The following ZFAND6 variants were observed in gnomAD, a reference collection of about 807,000 sequenced individuals.
The protein encoded by ZFAND6 is zinc finger AN1-type containing 6, also known as AN1-type zinc finger protein 6.
A neutral mutation model predicts 24.5 loss-of-function variants in ZFAND6; 12 were observed. The observed-to-expected ratio is 0.49, with a 90% CI of 0.31 to 0.79. ZFAND6 has a LOEUF of 0.79. Among genes scored for constraint, ZFAND6 ranks in the 30% least tolerant of loss-of-function variants. ZFAND6 has a pLI of 0.04. For missense variants in ZFAND6, 207 were observed against 245.9 expected, an observed-to-expected ratio of 0.84 and a Z score of 1.06; for synonymous variants, 92 against 81.5, an observed-to-expected ratio of 1.13 and a Z score of -0.69.
rs2040939083 is a variant in ZFAND6 at position 80,138,040 on chromosome 15, A to G, written c.*412A>G. 6.5e-6 allele frequency: 1 copy of G among 155,016 alleles called. No individual in the cohort carries two copies. The highest frequency in any genetic ancestry group is 1.4e-5 in the Non-Finnish European group (1 of 69,722). The allele number at this position is 155,016 out of a possible 1,614,324, so 9.6% of individuals were successfully genotyped here. A position where few individuals can be genotyped will look rare whatever the true frequency, so the allele number is the denominator to read the frequency against. On this transcript the variant is annotated 3_prime_UTR_variant, in exon 7 of 7. Transcript: ENST00000261749. ...TGATAATGCCCTTTAGGGCACAACT[A>G]GTTATCAGTAACTGAATGTATCTTA...
intron 1 of ZFAND6, chr15:80,060,334 G>A (rs1004536408): frequency 6.6e-6 from 1 of 152,206 alleles, no homozygotes; most frequent in African/African-American, 2.4e-5. Flanking sequence ...GACTGGCACC[G>A]GGAAGGGAAT....
intron 1 of ZFAND6, among the ~76,000 whole-genome samples, chr15:80,065,383 T>C (rs920136487): frequency 3.3e-5 from 5 of 152,042 alleles, no homozygotes; most frequent in South Asian, 2.1e-4. Flanking sequence ...AGTGTACACT[T>C]GTATACATGG....
At chr15:80,094,201 C>G (rs1304077410) in intron 1 of ZFAND6, among the ~76,000 whole-genome samples, 1 of 152,196 alleles carries the variant, frequency 6.6e-6, no homozygotes, top group Non-Finnish European at 1.5e-5. Context: ...TATTTCCTAT[C>G]CCAGTCCCTG....
At chr15:80,086,722 A>G (rs1349953846) in intron 1 of ZFAND6, among the ~76,000 whole-genome samples, 4 of 152,218 alleles carry the variant, frequency 2.6e-5, no homozygotes, top group Non-Finnish European at 1.5e-5. Context: ...AGTACCATTA[A>G]ATACATTCAC....
intron 1 of ZFAND6, among the ~76,000 whole-genome samples, chr15:80,072,201 CTT>C (rs1407941712): frequency 6.6e-6 from 1 of 152,060 alleles, no homozygotes; most frequent in Non-Finnish European, 1.5e-5. Context: ...AATAATCTGT[CTT>C]TAAAGCATAA....
Position 80,122,746 on chromosome 15 carries a change from C to T in ZFAND6, c.310C>T (p.Gln104Ter). The change falls in exon 5 of 7, where the codon CAA becomes TAA. Residue 104 changes from glutamine (Q) to a stop codon, truncating the protein, a stop_gained. Transcript: ENST00000261749. LOFTEE classifies it high-confidence loss of function. ...SLLSESVASS[Q>*]LDSTSVDKAV... The stretch of plus-strand genomic sequence containing the variant: ...TTTATCAGAATCTGTAGCATCTTCT[C>T]AATTGGACAGTACATCTGTGGACAA... 1.2e-6 allele frequency: 2 copies of T among 1,613,656 alleles called. No individual in the cohort carries two copies. Among genetic ancestry groups the T allele is most frequent in the Non-Finnish European group, 1.7e-6 (2 of 1,179,804 alleles).
chr15:80,113,054 C>T lies in ZFAND6; in HGVS notation c.-17-7274C>T, dbSNP rs376055215. Among the ~76,000 whole-genome samples, 58 of 147,612 alleles carry T rather than the reference C, an allele frequency of 3.9e-4. 3 individuals are homozygous for T. The South Asian group carries it at 0.012, about 31-fold the overall frequency. On this transcript the variant is annotated intron_variant, in intron 2 of 6. Transcript: ENST00000261749. ...TGTGTAACACTTTGTGTTGCGGTGTCGTACTAGTTCAAAGCTTAATGTGCA... is the reference window on the plus strand; with the variant it reads ...TGTGTAACACTTTGTGTTGCGGTGTTGTACTAGTTCAAAGCTTAATGTGCA...
intron 2 of ZFAND6, among the ~76,000 whole-genome samples, chr15:80,119,585 T>TAA (rs139385200): frequency 2.9e-4 from 44 of 151,396 alleles, no homozygotes; most frequent in African/African-American, 4.8e-4. Context: ...CATGCTTTTT[T>TAA]AAAAAAAAAC....
intron 2 of ZFAND6, among the ~76,000 whole-genome samples, chr15:80,107,574 C>T (rs2039397488): frequency 6.6e-6 from 1 of 152,106 alleles, no homozygotes; most frequent in African/African-American, 2.4e-5. Context: ...CCTGTAATCC[C>T]AGCTCTTTGG....
At chr15:80,072,893 C>CA (rs1006094499) in intron 1 of ZFAND6, among the ~76,000 whole-genome samples, 5 of 151,916 alleles carry the variant, frequency 3.3e-5, no homozygotes, top group African/African-American at 1.2e-4. Context: ...ATCTTAGACT[C>CA]AAAATCATCT....
intron 2 of ZFAND6, among the ~76,000 whole-genome samples, chr15:80,116,840 A>G (rs1398555921): frequency 6.6e-6 from 1 of 152,172 alleles, no homozygotes; most frequent in Non-Finnish European, 1.5e-5. Context: ...TAAGACAATT[A>G]TTCTTCCACT....
intron 5 of ZFAND6, among the ~76,000 whole-genome samples, chr15:80,125,910 A>T (rs1433501948): frequency 1.3e-5 from 2 of 152,206 alleles, no homozygotes; most frequent in Non-Finnish European, 2.9e-5. Context: ...GTATTAAAAG[A>T]TACTGAGATA....
chr15:80,122,739 ATCT>A lies in ZFAND6; in HGVS notation c.307_309del (p.Ser103del), dbSNP rs1363474983. On this transcript the variant is annotated inframe_deletion, in exon 5 of 7. Transcript: ENST00000261749. ...AGTCACTTTTATCAGAATCTGTAGCATCTTCTCAATTGGACAGTACATCTGTGG... is the reference window on the plus strand; with the variant it reads ...AGTCACTTTTATCAGAATCTGTAGCATCTCAATTGGACAGTACATCTGTGG... The A allele has an allele frequency of 6.2e-7, 1 of 1,613,744 alleles. No individual in the cohort carries two copies.
intron 2 of ZFAND6, among the ~76,000 whole-genome samples, chr15:80,110,856 CT>C (rs1192823765): frequency 6.6e-6 from 1 of 152,166 alleles, no homozygotes; most frequent in African/African-American, 2.4e-5. Context: ...GATTGCAGAT[CT>C]AAAAGTGAAA....
chr15:80,071,851 TTAAGCATTAACCTTGG>T (rs1181554979), intron 1 of ZFAND6, among the ~76,000 whole-genome samples: 5 of 152,102 alleles, frequency 3.3e-5, no homozygotes, highest in Non-Finnish European at 5.9e-5. Context: ...TTGCCAATGG[TTAAGCATTAACCTTGG>T]CAAAATACTC....
intron 1 of ZFAND6, among the ~76,000 whole-genome samples, chr15:80,096,231 CTGTTA>C (rs1252629183): frequency 6.6e-6 from 1 of 152,180 alleles, no homozygotes; most frequent in East Asian, 1.9e-4. Context: ...TCAGTGGTGT[CTGTTA>C]TATCGTAAAC....
chr15:80,069,846 A>G (rs1197218747), intron 1 of ZFAND6, among the ~76,000 whole-genome samples: 1 of 152,010 alleles, frequency 6.6e-6, no homozygotes, highest in Non-Finnish European at 1.5e-5. Context: ...TGACCTTGTG[A>G]TCCACCTGCC....
chr15:80,122,190 G>T (rs2040176671), intron 4 of ZFAND6, among the ~76,000 whole-genome samples: 1 of 152,004 alleles, frequency 6.6e-6, no homozygotes, highest in Non-Finnish European at 1.5e-5. Flanking sequence ...TCATGATGTA[G>T]TACTCATATT....
intron 5 of ZFAND6, among the ~76,000 whole-genome samples, chr15:80,128,150 T>A (rs768605177): frequency 6.6e-6 from 1 of 152,200 alleles, no homozygotes; most frequent in Non-Finnish European, 1.5e-5. Flanking sequence ...ACAGAAAGAT[T>A]AGTGGTTGCC....
Sources: gnomAD v4.1 joint callset for allele counts (sites outside exome capture counted in the v4.1 genomes callset) on GRCh38, gnomAD v4.1.1 for gene constraint, MANE v1.5 for transcripts, NCBI Gene and HGNC (gene_info 2026-07-23, HGNC 2026-07-21) for gene names.